Variants in SLC44A5 observed in about 807,000 individuals in gnomAD.
The protein encoded by SLC44A5 is solute carrier family 44 member 5, also known as choline transporter-like protein 5.
Under a neutral mutation model 101.8 loss-of-function variants are expected in SLC44A5, and 57 were observed. The ratio of observed to expected loss-of-function variants is 0.56; its 90% CI spans 0.45 to 0.70. The LOEUF (loss-of-function observed/expected upper bound fraction) is 0.70, where lower values mean the gene tolerates loss of function less well. Ranked by LOEUF, SLC44A5 falls within the 30% of genes least tolerant of loss-of-function variation. The probability of loss-of-function intolerance (pLI) is 0.00; values close to 1 mark genes in which losing one functional copy is unlikely to be tolerated. For synonymous variants in SLC44A5, 281 were observed against 290.9 expected, an observed-to-expected ratio of 0.97 and a Z score of 0.35; for missense variants, 737 against 853.1, an observed-to-expected ratio of 0.86 and a Z score of 1.70.
intron 4 of SLC44A5, among the ~76,000 whole-genome samples, chr1:75,327,041 TTAA>T (rs1656654908): frequency 6.6e-6 from 1 of 151,916 alleles, no homozygotes; most frequent in African/African-American, 2.4e-5. Flanking sequence ...AAACTTTGAG[TTAA>T]TGATATTTTC....
At chr1:75,250,349 T>G (rs1489890982) in intron 7 of SLC44A5, among the ~76,000 whole-genome samples, 2 of 152,230 alleles carry the variant, frequency 1.3e-5, no homozygotes, top group Non-Finnish European at 2.9e-5. Context: ...TTTTTATGGC[T>G]GCATAGTATT....
chr1:75,302,432 T>C (rs959897942), intron 4 of SLC44A5, among the ~76,000 whole-genome samples: 2 of 152,074 alleles, frequency 1.3e-5, no homozygotes, highest in Admixed American at 1.3e-4. Context: ...TGGCCTGCCA[T>C]CCCGTCCTTA....
intron 9 of SLC44A5, among the ~76,000 whole-genome samples, chr1:75,239,687 TTAATCAGAG>T (rs1648439390): frequency 6.6e-6 from 1 of 152,002 alleles, no homozygotes; most frequent in South Asian, 2.1e-4. Flanking sequence ...CACCCTCAGT[TTAATCAGAG>T]TTTTGGCCCC....
At chr1:75,477,720 C>G (rs539138803) in intron 2 of SLC44A5, among the ~76,000 whole-genome samples, 6 of 152,024 alleles carry the variant, frequency 3.9e-5, no homozygotes, top group Non-Finnish European at 5.9e-5. Flanking sequence ...TAAAAAGAAA[C>G]GAACAAAGCC....
chr1:75,284,970 T>C (rs1224974038), intron 5 of SLC44A5, among the ~76,000 whole-genome samples: 1 of 152,008 alleles, frequency 6.6e-6, no homozygotes, highest in African/African-American at 2.4e-5. Flanking sequence ...CTATAGATTT[T>C]TTGTGTGTGT....
At chr1:75,677,707 G>A in the SLC44A5 span, 1 of 424,326 alleles carries the variant, frequency 2.4e-6, no homozygotes, top group Non-Finnish European at 4.6e-6. Context: ...AAAAAAACAA[G>A]ACCCAGTGCA....
chr1:75,639,995 C>T, the SLC44A5 span, among the ~76,000 whole-genome samples: 1 of 152,028 alleles, frequency 6.6e-6, no homozygotes, highest in Non-Finnish European at 1.5e-5. Context: ...TTGCTTTGGT[C>T]AGTTATTTTT....
chr1:75,313,112 T>C (rs372620864), intron 4 of SLC44A5, among the ~76,000 whole-genome samples: 78 of 152,316 alleles, frequency 5.1e-4, no homozygotes, highest in Middle Eastern at 3.4e-3. Flanking sequence ...CAGAAGAGAA[T>C]GAAACCAGGG....
At chr1:75,689,115 T>C in the SLC44A5 span, among the ~76,000 whole-genome samples, 1 of 152,228 alleles carries the variant, frequency 6.6e-6, no homozygotes, top group African/African-American at 2.4e-5. Context: ...ACCTGGATGG[T>C]ACTGCCTCAG....
chr1:75,354,151 C>G lies in SLC44A5; in HGVS notation c.53-14521G>C, dbSNP rs77188499. 8.2e-3 allele frequency among the ~76,000 whole-genome samples: 1,247 copies of G among 152,310 alleles called. 14 individuals are homozygous for G. Among genetic ancestry groups the G allele is most frequent in the Non-Finnish European group, 9.8e-3 (665 of 68,034 alleles). ...ATATGTGTGGAATCACTATAGATGT[C>G]TGTTTCTCTAACCATAAATTCCCTT... On this transcript the variant is annotated intron_variant, in intron 3 of 23. Transcript: ENST00000370859.
intron 1 of SLC44A5, among the ~76,000 whole-genome samples, chr1:75,572,658 A>G (rs1673134266): frequency 6.6e-6 from 1 of 152,172 alleles, no homozygotes; most frequent in Admixed American, 6.5e-5. Context: ...CAAAGTGGAG[A>G]GTTCAGAGGT....
At chr1:75,405,044 A>G (rs977743812) in intron 2 of SLC44A5, among the ~76,000 whole-genome samples, 1 of 152,238 alleles carries the variant, frequency 6.6e-6, no homozygotes, top group African/African-American at 2.4e-5. Context: ...AAGGGTTGCA[A>G]TCCTACTCTC....
chr1:75,410,647 A>C (rs1310415871), intron 2 of SLC44A5, among the ~76,000 whole-genome samples: 5 of 152,140 alleles, frequency 3.3e-5, no homozygotes, highest in Non-Finnish European at 7.4e-5. Context: ...AAAGGTAGAA[A>C]TTGGGTGGAA....
chr1:75,223,146 T>C (rs1647124161), intron 13 of SLC44A5, among the ~76,000 whole-genome samples: 1 of 152,208 alleles, frequency 6.6e-6, no homozygotes, highest in African/African-American at 2.4e-5. Flanking sequence ...GAATAAAGTA[T>C]AGTTGTATAA....
intron 3 of SLC44A5, among the ~76,000 whole-genome samples, chr1:75,391,036 C>T (rs1661751873): frequency 6.6e-6 from 1 of 152,060 alleles, no homozygotes; most frequent in South Asian, 2.1e-4. Context: ...AGTAGCATTT[C>T]TGTACAGCAG....
At chr1:75,657,497 G>A in the SLC44A5 span, among the ~76,000 whole-genome samples, 1 of 151,288 alleles carries the variant, frequency 6.6e-6, no homozygotes, top group African/African-American at 2.4e-5. Context: ...GCAGTGAGCT[G>A]GGCTCACACC....
the SLC44A5 span, among the ~76,000 whole-genome samples, chr1:75,643,090 CTG>C: frequency 3.9e-5 from 6 of 152,228 alleles, no homozygotes; most frequent in East Asian, 1.2e-3. Context: ...CTTCCATTAA[CTG>C]TTAAAAATTA....
At chr1:75,676,899 A>G in the SLC44A5 span, among the ~76,000 whole-genome samples, 3 of 152,348 alleles carry the variant, frequency 2.0e-5, no homozygotes, top group African/African-American at 7.2e-5. Context: ...GTAATATAAA[A>G]TGGAGTATTT....
chr1:75,440,258 C>A (rs1665120928), intron 2 of SLC44A5, among the ~76,000 whole-genome samples: 1 of 152,038 alleles, frequency 6.6e-6, no homozygotes, highest in African/African-American at 2.4e-5. Flanking sequence ...TTTTTAAAAT[C>A]ATTGTGGTTT....
Sources: allele counts gnomAD v4.1 joint callset (sites outside exome capture counted in the v4.1 genomes callset), GRCh38; gene constraint gnomAD v4.1.1; transcripts MANE v1.5; gene names NCBI Gene and HGNC (gene_info 2026-07-23, HGNC 2026-07-21).